Variants in TREML1 observed in about 807,000 individuals in gnomAD.
The protein encoded by TREML1 is triggering receptor expressed on myeloid cells like 1.
TREML1 carries 27 observed loss-of-function variants against 22.8 expected under a neutral mutation model. The observed-to-expected ratio is 1.19, with a 90% CI of 0.87 to 1.64. The LOEUF is 1.64. TREML1 is among the 40% of genes most tolerant of loss of function. The probability of loss-of-function intolerance (pLI) is 0.00; values close to 1 mark genes in which losing one functional copy is unlikely to be tolerated. For synonymous variants in TREML1, 153 were observed against 161.9 expected (o/e 0.94, Z 0.42); for missense variants, 356 against 382.0 (o/e 0.93, Z 0.57).
intron 2 of TREML1, among the ~76,000 whole-genome samples, chr6:41,152,375 C>T (rs997987940): frequency 6.6e-6 from 1 of 152,124 alleles, no homozygotes; most frequent in Non-Finnish European, 1.5e-5. Flanking sequence ...CCCTGACGCT[C>T]CTCCCAGGGA....
chr6:41,153,713 G>A (rs1428567021), intron 2 of TREML1, 45 bp downstream of exon 2: 1 of 1,529,604 alleles, frequency 6.5e-7, no homozygotes, highest in Non-Finnish European at 8.8e-7. Flanking sequence ...GGCGGGGGTG[G>A]GGAGGGTAGG....
At chr6:41,151,641 C>T (rs1765251546) in intron 2 of TREML1, 1 of 490,510 alleles carries the variant, frequency 2.0e-6, no homozygotes, top group Admixed American at 3.2e-5. Flanking sequence ...ACCACCAGCT[C>T]CCCCCATCTT....
intron 5 of TREML1, 51 bp downstream of exon 5, chr6:41,150,210 A>G (rs745441941): frequency 1.3e-6 from 2 of 1,597,002 alleles, no homozygotes; most frequent in Non-Finnish European, 1.7e-6. Flanking sequence ...AGTGAGTGAG[A>G]TGAATGGAAA....
chr6:41,150,366 C>A (rs182375987), intron 4 of TREML1, 53 bp from the exon 5 acceptor site: 22 of 1,570,176 alleles, frequency 1.4e-5, no homozygotes, highest in Non-Finnish European at 1.8e-5. Flanking sequence ...GGCTCAGAGC[C>A]CTTCCCTCAC....
Position 41,150,817 on chromosome 6 carries a change from A to C in TREML1, c.568+2T>G, listed in dbSNP as rs1582067117. The C allele has an allele frequency of 1.2e-6, 2 of 1,613,620 alleles. No individual in the cohort carries two copies. The highest frequency in any genetic ancestry group is 2.2e-5 in the South Asian group (2 of 91,050). On this transcript the variant is annotated splice_donor_variant, in intron 4 of 5. Coordinates refer to ENST00000426005, the MANE Select transcript of TREML1 (RefSeq NM_178174.4). LOFTEE classifies it high-confidence loss of function. ...GGCTGAGATAGGAAGATAGCCACCT[A>C]CCTTGTTTCCTCTTGGCCATCACAG...
Position 41,154,001 on chromosome 6 carries a change from C to T in TREML1, c.133G>A (p.Val45Ile), listed in dbSNP as rs754981248. The T allele has an allele frequency of 1.2e-6, 2 of 1,614,202 alleles. No individual in the cohort carries two copies. The highest frequency in any genetic ancestry group is 1.7e-5 in the Admixed American group (1 of 60,032). Residue 45 changes from valine (V) to isoleucine (I), a missense_variant, in exon 2 of 6, where the codon GTC becomes ATC. Coordinates refer to ENST00000426005, the MANE Select transcript of TREML1 (RefSeq NM_178174.4). ...CGGCACCACACCTTCTGAGCTTTGA[C>T]ATCCTGGAGCCTGTAGTGGCACTGC... is the stretch of plus-strand genomic sequence containing the variant. Reference protein sequence around the residue: ...LVQCHYRLQDVKAQKVWCRFL... With the variant: ...LVQCHYRLQDIKAQKVWCRFL...
At chr6:41,155,067 T>C (rs565027207), upstream of TREML1, among the ~76,000 whole-genome samples, 2 of 152,328 alleles carry the variant, frequency 1.3e-5, no homozygotes, top group African/African-American at 4.8e-5. Context: ...CATCCTTCTA[T>C]TTTTGTCTTT....
intron 2 of TREML1, among the ~76,000 whole-genome samples, chr6:41,153,279 G>A (rs145873238): frequency 6.9e-6 from 1 of 145,978 alleles, no homozygotes; most frequent in African/African-American, 2.6e-5. Context: ...CTACTTGTAG[G>A]TGAGACATAC....
rs1398239843 is a variant in TREML1 at position 41,150,298 on chromosome 6, A to T, written c.584T>A (p.Val195Asp). ...AKRKQGNRLG[V>D]CGRFLSSRVS... ...TCTGCTGCTCAGGAATCGGCCACAG[A>T]CACCAAGCCTGTTCCCTGGCAGGAC... The change falls in exon 5 of 6, where the codon GTC becomes GAC. Residue 195 changes from valine (V) to aspartate (D), a missense_variant. By Grantham distance (152) the Val-to-Asp change is radical (BLOSUM62 -3). Transcript: ENST00000426005. The T allele has an allele frequency of 6.2e-7, 1 of 1,614,004 alleles. No homozygotes were observed. The highest frequency in any genetic ancestry group is 8.5e-7 in the Non-Finnish European group (1 of 1,179,980).
At position 41,149,666 on chromosome 6, in the gene TREML1, C is replaced by A. The variant is rs767941320; in HGVS notation, c.874G>T (p.Gly292Cys). 6.2e-7 allele frequency: 1 copy of A among 1,614,146 alleles called. No individual in the cohort carries two copies. The highest frequency in any genetic ancestry group is 8.5e-7 in the Non-Finnish European group (1 of 1,180,038). Residue 292 changes from glycine to cysteine, a missense_variant, in exon 6 of 6, where the codon GGT (glycine) becomes TGT (cysteine). By Grantham distance (159) the Gly-to-Cys change is radical. Coordinates refer to ENST00000426005, the MANE Select transcript of TREML1 (RefSeq NM_178174.4). ...ATVIFPGGNK[G>C]GGTSCGPAQN... ...GCTGGCCCACACGAGGTCCCTCCAC[C>A]CTTGTTCCCTCCCGGGAAGATTACT...
intron 4 of TREML1, 32 bp downstream of exon 4, chr6:41,150,787 G>C: frequency 6.3e-7 from 1 of 1,594,022 alleles, no homozygotes; most frequent in East Asian, 2.2e-5. Context: ...GGAATGGTAG[G>C]GCCAGGCTGA....
Position 41,149,841 on chromosome 6 carries a change from C to T in TREML1, c.699G>A (p.Arg233=), listed in dbSNP as rs1765197584. The T allele has an allele frequency of 3.1e-6, 5 of 1,614,064 alleles. No homozygotes were observed. The East Asian group carries it at 8.9e-5, about 29-fold the overall frequency. The part of the protein sequence containing the change: ...AELPLDVPHI[R]LDSPPSFDNT... ...TGTCAAATGAAGGTGGTGAGTCAAGCCTAATGTGTGGTACATCCAAAGGCA... is the reference window on the plus strand; with the variant it reads ...TGTCAAATGAAGGTGGTGAGTCAAGTCTAATGTGTGGTACATCCAAAGGCA... Residue 233 remains arginine (R), a synonymous_variant, in exon 6 of 6, where the codon AGG becomes AGA. Coordinates refer to ENST00000426005, the MANE Select transcript of TREML1 (RefSeq NM_178174.4).
upstream of TREML1, among the ~76,000 whole-genome samples, chr6:41,154,800 C>CTGGG (rs1765378929): frequency 6.6e-6 from 1 of 152,194 alleles, no homozygotes; most frequent in South Asian, 2.1e-4. Context: ...GTGCCCTGGA[C>CTGGG]TGGGTCTTTC....
chr6:41,154,802 G>C (rs1765379000), upstream of TREML1, among the ~76,000 whole-genome samples: 1 of 152,140 alleles, frequency 6.6e-6, no homozygotes, highest in Non-Finnish European at 1.5e-5. Flanking sequence ...GCCCTGGACT[G>C]GGTCTTTCTT....
At chr6:41,151,218 T>C in intron 3 of TREML1, 64 bp downstream of exon 3, 3 of 1,428,372 alleles carry the variant, frequency 2.1e-6, no homozygotes, top group Non-Finnish European at 3.0e-6. Flanking sequence ...TTTGGAGCTC[T>C]AAACAAGTCA....
In TREML1 at chr6:41,151,274, G is replaced by T. The variant is rs764081942; in HGVS notation, c.479+8C>A. ...CTCCTGGCCTCCCAAATCCAATCCTGTCAGTACCTCTTCTCATCCTGGCTG... is the reference window on the plus strand; with the variant it reads ...CTCCTGGCCTCCCAAATCCAATCCTTTCAGTACCTCTTCTCATCCTGGCTG... On this transcript the variant is annotated splice_region_variant and intron_variant, in intron 3 of 5. Transcript: ENST00000426005. 1.2e-6 allele frequency: 2 copies of T among 1,613,240 alleles called. No homozygotes were observed. Among genetic ancestry groups the T allele is most frequent in the Non-Finnish European group, 8.5e-7 (1 of 1,179,158 alleles).
intron 2 of TREML1, 68 bp from the exon 3 acceptor site, chr6:41,151,452 A>G: frequency 2.8e-6 from 4 of 1,443,846 alleles, no homozygotes; most frequent in Non-Finnish European, 3.9e-6. Context: ...GCAGGCTTCA[A>G]TATCCTGTTG....
chr6:41,153,691 G>T, intron 2 of TREML1, 67 bp downstream of exon 2: 4 of 1,480,272 alleles, frequency 2.7e-6, no homozygotes, highest in Non-Finnish European at 2.7e-6. Flanking sequence ...GAACCCATGA[G>T]CCCTGGCAAT....
At chr6:41,152,402 A>G (rs1188118612) in intron 2 of TREML1, among the ~76,000 whole-genome samples, 2 of 152,140 alleles carry the variant, frequency 1.3e-5, no homozygotes, top group South Asian at 4.2e-4. Flanking sequence ...TCTTGTCACA[A>G]TTTGCCTTTT....
Sources: allele counts gnomAD v4.1 joint callset (sites outside exome capture counted in the v4.1 genomes callset), GRCh38; gene constraint gnomAD v4.1.1; transcripts MANE v1.5; gene names NCBI Gene and HGNC (gene_info 2026-07-23, HGNC 2026-07-21).